TRHDE: variants seen among roughly 807,000 people sequenced by gnomAD.
The protein encoded by TRHDE is thyrotropin-releasing hormone-degrading ectoenzyme.
In TRHDE, 72 loss-of-function variants were observed where a neutral mutation model predicts 125.7. The ratio of observed to expected loss-of-function variants is 0.57; its 90% CI spans 0.47 to 0.70. The LOEUF (loss-of-function observed/expected upper bound fraction) is 0.70, where lower values mean the gene tolerates loss of function less well. Among genes scored for constraint, TRHDE ranks in the 30% least tolerant of loss-of-function variants. TRHDE has a pLI of 0.00. For missense variants in TRHDE, 1,110 were observed against 1,327.1 expected (o/e 0.84, Z 2.54); for synonymous variants, 509 against 509.1 (o/e 1.00, Z 0.00).
At chr12:72,224,289 A>G (rs1878078597) in intron 2 of TRHDE, among the ~76,000 whole-genome samples, 2 of 151,842 alleles carry the variant, frequency 1.3e-5, no homozygotes, top group Admixed American at 6.6e-5. Context: ...GACCAGAACC[A>G]GAGCTGTTAG....
chr12:72,311,921 T>TA (rs397827900), intron 2 of TRHDE, among the ~76,000 whole-genome samples: 1 of 152,122 alleles, frequency 6.6e-6, no homozygotes, highest in East Asian at 1.9e-4. Flanking sequence ...TTCTTTTTTT[T>TA]ATTCGTATTT....
rs562974338 is a variant in TRHDE at position 72,505,333 on chromosome 12, T to C, written c.1722+5698T>C. ...ATTGAAAATGCTTGTATTCTTAAAG[T>C]GTAATGGAAGCAGGAAAATACTGTC... On this transcript the variant is annotated intron_variant, in intron 6 of 18. Coordinates refer to ENST00000261180, the MANE Select transcript of TRHDE (RefSeq NM_013381.3). 8.0e-4 allele frequency among the ~76,000 whole-genome samples: 122 copies of C among 152,286 alleles called. 1 individual carries two copies. The highest frequency in any genetic ancestry group is 2.9e-3 in the African/African-American group (120 of 41,556).
intron 1 of TRHDE, among the ~76,000 whole-genome samples, chr12:72,095,701 G>C (rs1874898822): frequency 6.6e-6 from 1 of 152,184 alleles, no homozygotes; most frequent in Non-Finnish European, 1.5e-5. Flanking sequence ...TTGTAAGACA[G>C]AAAAAATTCA....
At position 72,447,696 on chromosome 12, in the gene TRHDE, C is replaced by A. The variant is rs572880648; in HGVS notation, c.1316-22062C>A. On this transcript the variant is annotated intron_variant, in intron 3 of 18. Transcript: ENST00000261180. ...CACCTTCTAAGTCTGATGTTTTAAA[C>A]CCTGGCTGAATGTTAGACATTATTT... Among the ~76,000 whole-genome samples the A allele has an allele frequency of 9.9e-5, 15 of 152,050 alleles. No homozygotes were observed. The East Asian group carries it at 2.5e-3, about 26-fold the overall frequency.
intron 2 of TRHDE, among the ~76,000 whole-genome samples, chr12:72,266,388 A>G (rs1247269771): frequency 6.6e-6 from 1 of 151,968 alleles, no homozygotes; most frequent in Non-Finnish European, 1.5e-5. Context: ...TAAAGCATGT[A>G]AACTGCTTAT....
chr12:72,656,999 A>T lies in TRHDE; in HGVS notation c.3057A>T (p.Glu1019Asp). ...CAGAATTTCTTAATACTGAAGGTGA[A>T]CTCAAAGAGGTAAATATTTTAAGAT... The part of the protein sequence containing the change: ...GVTEFLNTEG[E>D]LKELKNFMKN... Residue 1019 changes from glutamate (E) to aspartate (D), a missense_variant, in exon 18 of 19, where the codon GAA becomes GAT. This residue lies in a region of TRHDE where 527 missense variants were observed against 651.8 expected (regional missense o/e 0.81). Coordinates refer to ENST00000261180, the MANE Select transcript of TRHDE (RefSeq NM_013381.3). 1 of 1,589,674 alleles carries T rather than the reference A, an allele frequency of 6.3e-7. No individual in the cohort carries two copies. Among genetic ancestry groups the T allele is most frequent in the Non-Finnish European group, 8.6e-7 (1 of 1,159,910 alleles).
intron 6 of TRHDE, among the ~76,000 whole-genome samples, chr12:72,529,994 G>C (rs1456508306): frequency 3.3e-5 from 5 of 151,966 alleles, no homozygotes. Flanking sequence ...CTATGATATA[G>C]GCCAATGCCT....
chr12:72,409,946 A>G (rs1233487722), intron 3 of TRHDE, among the ~76,000 whole-genome samples: 1 of 152,122 alleles, frequency 6.6e-6, no homozygotes, highest in Non-Finnish European at 1.5e-5. Context: ...CAATTAAAAT[A>G]CTATAAAACT....
chr12:72,664,412 G>T lies in TRHDE; in HGVS notation c.*1217G>T, dbSNP rs1875038188. 1 of 152,436 alleles carries T rather than the reference G, an allele frequency of 6.6e-6. No homozygotes were observed. The highest frequency in any genetic ancestry group is 1.5e-5 in the Non-Finnish European group (1 of 67,996). 9.4% of individuals were successfully genotyped at this position (152,436 alleles called of 1,614,324 possible). On this transcript the variant is annotated 3_prime_UTR_variant, in exon 19 of 19. Coordinates refer to ENST00000261180, the MANE Select transcript of TRHDE (RefSeq NM_013381.3). ...TAGCATTTAATGACCTTTTGTGCCA[G>T]TTGTGCCATCCCTTAAGATGAAAAG...
intron 12 of TRHDE, among the ~76,000 whole-genome samples, chr12:72,616,771 ACTTTT>A (rs1233338687): frequency 6.6e-6 from 1 of 152,124 alleles, no homozygotes; most frequent in African/African-American, 2.4e-5. Flanking sequence ...AAAATACATT[ACTTTT>A]CTTATTTAAC....
chr12:72,490,024 A>C (rs1297242094), intron 5 of TRHDE, among the ~76,000 whole-genome samples: 1 of 151,976 alleles, frequency 6.6e-6, no homozygotes, highest in Non-Finnish European at 1.5e-5. Flanking sequence ...GCTTCTGTAC[A>C]GCAAAGGAAA....
chr12:72,572,540 A>G (rs921224389), intron 10 of TRHDE, among the ~76,000 whole-genome samples: 5 of 152,108 alleles, frequency 3.3e-5, no homozygotes, highest in African/African-American at 4.8e-5. Flanking sequence ...GATATAATTA[A>G]CTAGAACTGA....
intron 2 of TRHDE, among the ~76,000 whole-genome samples, chr12:72,120,668 C>G (rs1875556984): frequency 6.8e-6 from 1 of 147,008 alleles, no homozygotes; most frequent in Non-Finnish European, 1.5e-5. Context: ...TCCTCCTACT[C>G]TTTAACTTTT....
intron 1 of TRHDE, among the ~76,000 whole-genome samples, chr12:72,093,321 T>C (rs1874835321): frequency 2.6e-5 from 4 of 152,350 alleles, no homozygotes; most frequent in Middle Eastern, 3.4e-3. Flanking sequence ...GCATTAATAC[T>C]GCTTTGAGTC....
chr12:72,568,118 A>G lies in TRHDE; in HGVS notation c.2043-450A>G, dbSNP rs191153556. The stretch of plus-strand genomic sequence containing the variant: ...TATTAACTTTTCTGTAAAGTACATT[A>G]ATAGTGTCCTACAGAGTCATTAGAT... On this transcript the variant is annotated intron_variant, in intron 9 of 18. Coordinates refer to ENST00000261180, the MANE Select transcript of TRHDE (RefSeq NM_013381.3). Among the ~76,000 whole-genome samples, 3 of 152,168 alleles carry G rather than the reference A, an allele frequency of 2.0e-5. No individual in the cohort carries two copies. In the East Asian group the frequency reaches 5.8e-4, roughly 29 times the overall value.
chr12:72,093,507 CT>C (rs1241098169), intron 1 of TRHDE, among the ~76,000 whole-genome samples: 3 of 151,952 alleles, frequency 2.0e-5, no homozygotes, highest in African/African-American at 7.2e-5. Flanking sequence ...TTTTTTACTC[CT>C]TTTCATTCTT....
At chr12:72,322,429 A>G (rs1408571762) in intron 2 of TRHDE, among the ~76,000 whole-genome samples, 2 of 152,136 alleles carry the variant, frequency 1.3e-5, no homozygotes, top group East Asian at 3.9e-4. Flanking sequence ...AGCGTGTTAG[A>G]TAAACTTTGT....
intron 3 of TRHDE, among the ~76,000 whole-genome samples, chr12:72,439,715 T>C (rs144602671): frequency 6.6e-6 from 1 of 151,964 alleles, no homozygotes; most frequent in Non-Finnish European, 1.5e-5. Context: ...CTTCTTCCTT[T>C]CCTATTTAGA....
Position 72,473,111 on chromosome 12 carries a change from G to T in TRHDE, c.1515G>T (p.Trp505Cys), listed in dbSNP as rs1435709472. The change falls in exon 5 of 19, where the codon TGG (tryptophan) becomes TGT (cysteine). Residue 505 changes from tryptophan to cysteine, a missense_variant. Coordinates refer to ENST00000261180, the MANE Select transcript of TRHDE (RefSeq NM_013381.3). ...LVTPVWWEDV[W>C]LKEGFAHYFE... is the part of the protein sequence containing the mutation. ...CGCCTGTGTGGTGGGAAGACGTGTG[G>T]CTGAAGGAAGGGTTTGCTCACTACT... The T allele has an allele frequency of 6.2e-7, 1 of 1,614,010 alleles. No individual in the cohort carries two copies. Among genetic ancestry groups the T allele is most frequent in the Non-Finnish European group, 8.5e-7 (1 of 1,179,928 alleles).
Sources: gnomAD v4.1 joint callset for allele counts (sites outside exome capture counted in the v4.1 genomes callset) on GRCh38, gnomAD v4.1.1 for gene constraint, gnomAD v4.1.1 regional missense constraint, MANE v1.5 for transcripts, NCBI Gene and HGNC (gene_info 2026-07-23, HGNC 2026-07-21) for gene names.